DPP10: variants seen among roughly 807,000 people sequenced by gnomAD.
DPP10 encodes inactive dipeptidyl peptidase 10.
DPP10 carries 33 observed loss-of-function variants against 120.9 expected under a neutral mutation model. The observed-to-expected ratio is 0.27, with a 90% CI of 0.21 to 0.37. The LOEUF is 0.37. Among genes scored for constraint, DPP10 ranks in the 10% least tolerant of loss-of-function variants. The probability of loss-of-function intolerance (pLI) is 1.00; values close to 1 mark genes in which losing one functional copy is unlikely to be tolerated. For synonymous variants in DPP10, 337 were observed against 326.1 expected (o/e 1.03, Z -0.36); for missense variants, 816 against 942.8 (o/e 0.87, Z 1.76).
At chr2:115,365,328 A>G (rs979586203) in intron 3 of DPP10, among the ~76,000 whole-genome samples, 7 of 152,022 alleles carry the variant, frequency 4.6e-5, no homozygotes, top group African/African-American at 1.4e-4. Flanking sequence ...CTTTTAAAAT[A>G]GGAATAATTT....
chr2:115,326,628 G>A (rs895678695), intron 2 of DPP10, among the ~76,000 whole-genome samples: 1 of 152,028 alleles, frequency 6.6e-6, no homozygotes, highest in African/African-American at 2.4e-5. Context: ...TAGTGGAATA[G>A]GATATGAAGG....
chr2:114,717,751 A>C (rs985414173), intron 1 of DPP10, among the ~76,000 whole-genome samples: 2 of 152,186 alleles, frequency 1.3e-5, no homozygotes, highest in Non-Finnish European at 2.9e-5. Flanking sequence ...ATTGATGGTG[A>C]GTTTTACATA....
intron 5 of DPP10, among the ~76,000 whole-genome samples, chr2:115,642,064 G>A (rs556745386): frequency 5.6e-4 from 85 of 152,192 alleles, no homozygotes; most frequent in Non-Finnish European, 1.1e-3. Flanking sequence ...AATTAGATAG[G>A]AGAATTATAA....
At chr2:114,784,436 A>C (rs1682593645) in intron 1 of DPP10, among the ~76,000 whole-genome samples, 1 of 152,124 alleles carries the variant, frequency 6.6e-6, no homozygotes, top group South Asian at 2.1e-4. Context: ...CTCCCCATTC[A>C]GTGACTTCAA....
At chr2:114,717,004 C>T (rs896702700) in intron 1 of DPP10, among the ~76,000 whole-genome samples, 3 of 152,196 alleles carry the variant, frequency 2.0e-5, no homozygotes, top group South Asian at 2.1e-4. Context: ...GGAGAAGACT[C>T]GTTACAGAGC....
intron 11 of DPP10, among the ~76,000 whole-genome samples, chr2:115,759,600 A>G (rs974159016): frequency 5.9e-5 from 9 of 152,170 alleles, no homozygotes; most frequent in African/African-American, 2.2e-4. Flanking sequence ...ACATTAAAAT[A>G]ATATTTTAGT....
chr2:115,621,482 T>A (rs955543489), intron 5 of DPP10, among the ~76,000 whole-genome samples: 3 of 152,194 alleles, frequency 2.0e-5, no homozygotes, highest in African/African-American at 7.2e-5. Context: ...ATGGATTGTT[T>A]TTTAAACTGA....
chr2:114,486,149 A>G lies in DPP10; in HGVS notation c.60+43311A>G, dbSNP rs117014175. Among the ~76,000 whole-genome samples, 4 of 152,244 alleles carry G rather than the reference A, an allele frequency of 2.6e-5. No individual in the cohort carries two copies. In the East Asian group the frequency reaches 7.7e-4, roughly 29 times the overall value. On this transcript the variant is annotated intron_variant, in intron 1 of 25. Transcript: ENST00000410059. ...AATTCTGGAAATTCAACGCTGTAGT[A>G]CTGCCATCCTGTGTAGATCAGACTG...
chr2:115,660,003 G>C (rs2088780534), intron 5 of DPP10, among the ~76,000 whole-genome samples: 1 of 152,142 alleles, frequency 6.6e-6, no homozygotes, highest in Admixed American at 6.5e-5. Flanking sequence ...CCATGGCATA[G>C]GGGTAAATTT....
At chr2:115,251,375 ACT>A (rs1449622842) in intron 1 of DPP10, among the ~76,000 whole-genome samples, 1 of 151,416 alleles carries the variant, frequency 6.6e-6, no homozygotes, top group African/African-American at 2.4e-5. Flanking sequence ...CACATTTCTC[ACT>A]CTCTGCCACT....
intron 1 of DPP10, among the ~76,000 whole-genome samples, chr2:115,110,937 T>C (rs1267172014): frequency 1.3e-5 from 2 of 152,310 alleles, no homozygotes; most frequent in South Asian, 2.1e-4. Context: ...ACATTTAATA[T>C]GTAGCTAAAA....
intron 1 of DPP10, among the ~76,000 whole-genome samples, chr2:115,047,389 A>C (rs1017313021): frequency 6.6e-6 from 1 of 152,014 alleles, no homozygotes; most frequent in African/African-American, 2.4e-5. Context: ...TATTTTAATC[A>C]CTATTACATT....
At chr2:115,348,325 C>G (rs1264536605) in intron 3 of DPP10, among the ~76,000 whole-genome samples, 2 of 152,106 alleles carry the variant, frequency 1.3e-5, no homozygotes, top group East Asian at 3.8e-4. Flanking sequence ...TTGACTTGAT[C>G]ATGATCTAGA....
intron 1 of DPP10, among the ~76,000 whole-genome samples, chr2:114,734,452 T>C (rs1424300615): frequency 6.6e-6 from 1 of 152,184 alleles, no homozygotes; most frequent in Non-Finnish European, 1.5e-5. Context: ...TAAATTTACC[T>C]ATAGCCTGGA....
intron 1 of DPP10, among the ~76,000 whole-genome samples, chr2:114,842,872 T>G (rs965814249): frequency 2.6e-5 from 4 of 151,414 alleles, no homozygotes; most frequent in Non-Finnish European, 5.9e-5. Flanking sequence ...GAGAGAGAGT[T>G]GAAAACCTGA....
At chr2:115,269,242 G>C (rs2059591175) in intron 1 of DPP10, among the ~76,000 whole-genome samples, 1 of 152,146 alleles carries the variant, frequency 6.6e-6, no homozygotes. Flanking sequence ...ACTCAGGATT[G>C]GGCATTAAAG....
intron 1 of DPP10, among the ~76,000 whole-genome samples, chr2:115,244,644 C>T (rs1421525348): frequency 6.6e-6 from 1 of 151,764 alleles, no homozygotes; most frequent in Admixed American, 6.6e-5. Flanking sequence ...AGTCGTGTAC[C>T]TTACATTTTC....
At chr2:114,915,130 C>CA (rs70941013) in intron 1 of DPP10, among the ~76,000 whole-genome samples, 4 of 145,944 alleles carry the variant, frequency 2.7e-5, no homozygotes, top group African/African-American at 1.0e-4. Context: ...GACTCCGTCT[C>CA]AAAAAAAAAA....
intron 1 of DPP10, among the ~76,000 whole-genome samples, chr2:114,807,093 G>A (rs189257659): frequency 1.3e-5 from 2 of 152,282 alleles, no homozygotes; most frequent in Admixed American, 6.5e-5. Context: ...ATGCACATAT[G>A]AGAAAGTGCA....
Sources: allele counts gnomAD v4.1 joint callset (sites outside exome capture counted in the v4.1 genomes callset), GRCh38; gene constraint gnomAD v4.1.1; transcripts MANE v1.5; gene names NCBI Gene and HGNC (gene_info 2026-07-23, HGNC 2026-07-21).